UGGT2: variants seen among roughly 807,000 people sequenced by gnomAD.
UGGT2 encodes the protein UDP-glucose glycoprotein glucosyltransferase 2, also known as UDP-glucose:glycoprotein glucosyltransferase 2.
A neutral mutation model predicts 192.1 loss-of-function variants in UGGT2; 180 were observed. That is an observed-to-expected ratio of 0.94 (90% CI 0.83 to 1.06). The LOEUF (loss-of-function observed/expected upper bound fraction) is 1.06. Among genes scored for constraint, UGGT2 ranks in the 50% least tolerant of loss-of-function variants. The pLI is 0.00. For missense variants in UGGT2, 1,849 were observed against 1,795.7 expected (o/e 1.03, Z -0.54); for synonymous variants, 580 against 591.0 (o/e 0.98, Z 0.27).
At chr13:95,855,985 C>T (rs369223848) in intron 34 of UGGT2, among the ~76,000 whole-genome samples, 173 bp downstream of exon 34, 6 of 152,208 alleles carry the variant, frequency 3.9e-5, no homozygotes, top group African/African-American at 1.4e-4. Flanking sequence ...CTTCAATTTT[C>T]CCCTGGAATT....
intron 17 of UGGT2, among the ~76,000 whole-genome samples, chr13:95,932,707 TATG>T (rs1220464277): frequency 6.6e-6 from 1 of 152,192 alleles, no homozygotes; most frequent in African/African-American, 2.4e-5. Context: ...CACTGTTCAG[TATG>T]ATGTTGGTTG....
chr13:95,872,686 CA>C lies in UGGT2; in HGVS notation c.3473+4592del, dbSNP rs561783368. Among the ~76,000 whole-genome samples the C allele has an allele frequency of 9.2e-5, 14 of 152,084 alleles. 1 individual carries two copies. Among genetic ancestry groups the C allele is most frequent in the African/African-American group, 3.4e-4 (14 of 41,484 alleles). On this transcript the variant is annotated intron_variant, in intron 29 of 38. Transcript: ENST00000376747. ...CAAGTTTGTAAGTTATTTCTACTGC[CA>C]AAAGTTGTCTGTGAATGAGAAAAAA...
Position 95,856,346 on chromosome 13 carries a change from A to AC in UGGT2, c.3826-7_3826-6insG. 1 of 1,598,404 alleles carries AC rather than the reference A, an allele frequency of 6.3e-7. No individual in the cohort carries two copies. The highest frequency in any genetic ancestry group is 8.5e-7 in the Non-Finnish European group (1 of 1,176,556). On this transcript the variant is annotated splice_polypyrimidine_tract_variant and splice_region_variant and intron_variant, in intron 33 of 38. Transcript: ENST00000376747. ...GCCATGTGAGGAATTACTTCCTAAA[A>AC]ACACACACACAAAATCAAACAATAT...
At chr13:95,834,629 G>A (rs1887088061) in intron 37 of UGGT2, among the ~76,000 whole-genome samples, 1 of 152,102 alleles carries the variant, frequency 6.6e-6, no homozygotes, top group African/African-American at 2.4e-5. Flanking sequence ...AGAATAGCAT[G>A]TTCTCTCATT....
At chr13:95,858,235 C>T (rs538771659) in intron 33 of UGGT2, among the ~76,000 whole-genome samples, 1 of 152,008 alleles carries the variant, frequency 6.6e-6, no homozygotes, top group East Asian at 1.9e-4. Context: ...CCTACCCTGG[C>T]CCTTCACCCT....
chr13:95,911,226 A>C (rs1158664662), intron 20 of UGGT2, among the ~76,000 whole-genome samples: 2 of 152,214 alleles, frequency 1.3e-5, no homozygotes, highest in African/African-American at 4.8e-5. Flanking sequence ...AACGCAAGAA[A>C]TAACTAAGAT....
At chr13:95,953,606 C>T (rs926733392) in intron 12 of UGGT2, among the ~76,000 whole-genome samples, 3 of 152,032 alleles carry the variant, frequency 2.0e-5, no homozygotes, top group East Asian at 3.9e-4. Context: ...AATATATGCC[C>T]TTTTAAAAGA....
intron 8 of UGGT2, among the ~76,000 whole-genome samples, chr13:95,988,331 C>G (rs372051642): frequency 6.6e-6 from 1 of 152,102 alleles, no homozygotes; most frequent in Non-Finnish European, 1.5e-5. Flanking sequence ...TGATTTGACA[C>G]AAGGCCAAAA....
chr13:95,821,226 T>C (rs745572861), intron 38 of UGGT2, among the ~76,000 whole-genome samples: 2 of 152,146 alleles, frequency 1.3e-5, no homozygotes, highest in Non-Finnish European at 2.9e-5. Flanking sequence ...AGTGTTCCCT[T>C]TTCACCACAT....
chr13:95,829,244 C>T (rs1253927796), intron 38 of UGGT2, among the ~76,000 whole-genome samples: 1 of 152,156 alleles, frequency 6.6e-6, no homozygotes, highest in Non-Finnish European at 1.5e-5. Context: ...GAAGCATTCC[C>T]TTTGAAAACT....
intron 12 of UGGT2, among the ~76,000 whole-genome samples, chr13:95,965,581 G>C (rs1361779538): frequency 7.2e-6 from 1 of 139,334 alleles, no homozygotes; most frequent in Non-Finnish European, 1.5e-5. Context: ...ATCACACTCT[G>C]GGGTCTGTTG....
intron 2 of UGGT2, among the ~76,000 whole-genome samples, chr13:96,027,991 TTCC>T (rs1054138009): frequency 2.6e-5 from 4 of 152,220 alleles, no homozygotes; most frequent in African/African-American, 9.6e-5. Flanking sequence ...ACAGGTACTC[TTCC>T]TTAGTCTCCA....
intron 33 of UGGT2, among the ~76,000 whole-genome samples, chr13:95,857,546 G>A (rs867175461): frequency 1.3e-5 from 2 of 152,106 alleles, no homozygotes; most frequent in African/African-American, 4.8e-5. Flanking sequence ...GAAGAGAGGA[G>A]GTTTGACTTT....
At chr13:96,053,132 A>C in intron 1 of UGGT2, 23 bp downstream of exon 1, 2 of 1,472,042 alleles carry the variant, frequency 1.4e-6, no homozygotes, top group Non-Finnish European at 1.8e-6. Flanking sequence ...ACCCGCCCGG[A>C]CGAGGGCCCG....
rs758236630 is a variant in UGGT2 at position 95,801,650 on chromosome 13, A to G, written c.*140T>C. ...AATACATTAAATAACTGTTTTAAAT[A>G]ATTACAATTTTTTAAAATTAAAGAA... On this transcript the variant is annotated 3_prime_UTR_variant, in exon 39 of 39. Coordinates refer to ENST00000376747, the MANE Select transcript of UGGT2 (RefSeq NM_020121.4). The G allele has an allele frequency of 1.2e-5, 9 of 754,540 alleles. No individual in the cohort carries two copies. Among genetic ancestry groups the G allele is most frequent in the Non-Finnish European group, 1.9e-5 (9 of 480,336 alleles). 46.7% of individuals were successfully genotyped at this position (754,540 alleles called of 1,614,324 possible).
chr13:95,955,510 A>G (rs1236503294), intron 12 of UGGT2, among the ~76,000 whole-genome samples: 1 of 152,204 alleles, frequency 6.6e-6, no homozygotes, highest in East Asian at 1.9e-4. Context: ...GCAAAACAGT[A>G]ATACTTCTGA....
chr13:95,892,313 CACTG>C (rs2140241098), intron 24 of UGGT2, among the ~76,000 whole-genome samples: 1 of 152,212 alleles, frequency 6.6e-6, no homozygotes, highest in Non-Finnish European at 1.5e-5. Context: ...GTAGATAGTA[CACTG>C]ACTAACCCAA....
At chr13:95,879,522 G>C (rs9670716) in intron 27 of UGGT2, among the ~76,000 whole-genome samples, 2,596 of 152,186 alleles carry the variant, frequency 0.017, 70 homozygotes, top group African/African-American at 0.059. Flanking sequence ...TGCAACATCC[G>C]CCTCCCGGGC....
chr13:95,991,385 T>C, intron 7 of UGGT2: 1 of 428,534 alleles, frequency 2.3e-6, no homozygotes. Context: ...CTCCAGCATC[T>C]GTCGTTTCCT....
Sources: allele counts gnomAD v4.1 joint callset (sites outside exome capture counted in the v4.1 genomes callset), GRCh38; gene constraint gnomAD v4.1.1; transcripts MANE v1.5; gene names NCBI Gene and HGNC (gene_info 2026-07-23, HGNC 2026-07-21).